ERP27: variants seen among roughly 807,000 people sequenced by gnomAD.
ERP27 encodes endoplasmic reticulum protein 27.
ERP27 carries 23 observed loss-of-function variants against 27.7 expected under a neutral mutation model. The ratio of observed to expected loss-of-function variants is 0.83; its 90% CI spans 0.60 to 1.18. ERP27 has a LOEUF of 1.18. Ranked by LOEUF, ERP27 falls within the 50% of genes most tolerant of loss-of-function variation. The pLI is 0.00. For synonymous variants in ERP27, 159 were observed against 118.3 expected (o/e 1.34, Z -2.23); for missense variants, 363 against 327.9 (o/e 1.11, Z -0.83).
At chr12:14,938,307 A>G in intron 1 of ERP27, 108 bp downstream of exon 1, 1 of 1,183,586 alleles carries the variant, frequency 8.4e-7, no homozygotes, top group East Asian at 2.3e-5. Flanking sequence ...GATTTCCTGG[A>G]AAGCTTTCTA....
intron 3 of ERP27, among the ~76,000 whole-genome samples, chr12:14,921,892 G>C (rs1255151216): frequency 1.3e-5 from 2 of 151,522 alleles, no homozygotes; most frequent in Non-Finnish European, 2.9e-5. Context: ...CTATAGTTTA[G>C]TTTTACCTCA....
rs190312798 is a variant in ERP27, at chr12:14,915,556, G to T, written c.707C>A (p.Pro236His). ...ATGCTCTACGGAAACTTCTGCTGTG[G>T]GCAGTGTATCCCACTCGTCATCTAG... ...QTLDDEWDTL[P>H]TAEVSVEHVQ... The change falls in exon 6 of 7, where the codon CCC becomes CAC. Residue 236 changes from proline to histidine, a missense_variant. By Grantham distance (77) the Pro-to-His change is moderately conservative. Coordinates refer to ENST00000266397, the MANE Select transcript of ERP27 (RefSeq NM_152321.4). 4.0e-5 allele frequency: 65 copies of T among 1,614,182 alleles called. No homozygotes were observed. Among genetic ancestry groups the T allele is most frequent in the Non-Finnish European group, 1.1e-5 (13 of 1,180,022 alleles).
chr12:14,928,973 A>G (rs1863655770), intron 3 of ERP27: 1 of 1,535,198 alleles, frequency 6.5e-7, no homozygotes, highest in African/African-American at 1.4e-5. Flanking sequence ...AGTCTCCTTC[A>G]TACTTAAGGC....
At chr12:14,936,975 A>G (rs10492149) in intron 2 of ERP27, among the ~76,000 whole-genome samples, 50,808 of 152,000 alleles carry the variant, frequency 0.33, 8,839 homozygotes, top group Middle Eastern at 0.43. Context: ...ATGAACAATA[A>G]TTAATTGAGG....
At chr12:14,933,791 C>T (rs777416706) in intron 3 of ERP27, among the ~76,000 whole-genome samples, 2 of 152,186 alleles carry the variant, frequency 1.3e-5, no homozygotes, top group Non-Finnish European at 2.9e-5. Flanking sequence ...CTTTCCATAA[C>T]TGTGATATCT....
In ERP27 at chr12:14,915,608, G is replaced by A; in HGVS notation, c.655C>T (p.Leu219=). Residue 219 remains leucine, a synonymous_variant, in exon 6 of 7, where the codon CTG becomes TTG. Transcript: ENST00000266397. ...GTCTGGTAAATTGCCAAAGCTGGCA[G>A]TTGAGACTCCTTTAGTTTGAAAAAT... is the stretch of plus-strand genomic sequence containing the variant. ...ISFFKLKESQ[L]PALAIYQTLD... The A allele has an allele frequency of 1.9e-6, 3 of 1,614,242 alleles. No homozygotes were observed. The highest frequency in any genetic ancestry group is 2.5e-6 in the Non-Finnish European group (3 of 1,180,026).
intron 3 of ERP27, among the ~76,000 whole-genome samples, chr12:14,934,187 G>T (rs900959272): frequency 6.6e-6 from 1 of 152,016 alleles, no homozygotes; most frequent in African/African-American, 2.4e-5. Flanking sequence ...TTTCCCGTTG[G>T]CCATGAATTC....
Position 14,937,971 on chromosome 12 carries a change from G to A in ERP27, c.176C>T (p.Ala59Val), listed in dbSNP as rs772339237. Reference protein sequence around the residue: ...AMEFIAATEVAVIGFFQDLEI... With the variant: ...AMEFIAATEVVVIGFFQDLEI... ...ACTAACCTGGAAGAAGCCTATGACA[G>A]CCACCTCAGTGGCAGCAATGAATTC... Residue 59 changes from alanine (A) to valine (V), a missense_variant, in exon 2 of 7, where the codon GCT (alanine) becomes GTT (valine). Transcript: ENST00000266397. The A allele has an allele frequency of 1.2e-6, 2 of 1,613,902 alleles. No homozygotes were observed. The highest frequency in any genetic ancestry group is 1.1e-5 in the South Asian group (1 of 91,082).
rs1863494277 is a variant in ERP27 at position 14,920,999 on chromosome 12, T to C, written c.383A>G (p.Asp128Gly). 2 of 1,614,056 alleles carry C rather than the reference T, an allele frequency of 1.2e-6. No homozygotes were observed. The highest frequency in any genetic ancestry group is 1.7e-6 in the Non-Finnish European group (2 of 1,180,008). Residue 128 changes from aspartate to glycine, a missense_variant, in exon 4 of 7, where the codon GAT becomes GGT. Transcript: ENST00000266397. ...NLEDEDIESI[D>G]ATKLSRFIEI... ...AATGAAACGGCTCAATTTGGTGGCA[T>C]CAATGCTTTCAATGTCTTCGTCCTC...
rs529749929 is a variant in ERP27, at chr12:14,914,789, A to C, written c.775-7T>G. 1.9e-6 allele frequency: 3 copies of C among 1,610,494 alleles called. No homozygotes were observed. In the African/African-American group the frequency reaches 4.0e-5, roughly 21 times the overall value. On this transcript the variant is annotated splice_region_variant and splice_polypyrimidine_tract_variant and intron_variant, in intron 6 of 6. Coordinates refer to ENST00000266397, the MANE Select transcript of ERP27 (RefSeq NM_152321.4). ...CTGATTCACGATTTTCTTTCTGGAA[A>C]ACATTATAACAATGATATTTAGATT...
intron 3 of ERP27, among the ~76,000 whole-genome samples, chr12:14,933,776 GC>G (rs1863732838): frequency 6.6e-6 from 1 of 152,040 alleles, no homozygotes; most frequent in Non-Finnish European, 1.5e-5. Flanking sequence ...TTTAAGCTTT[GC>G]CTGCTTTCCA....
chr12:14,934,717 T>G, intron 3 of ERP27, 139 bp downstream of exon 3: 2 of 1,064,050 alleles, frequency 1.9e-6, no homozygotes, highest in Non-Finnish European at 2.7e-6. Context: ...AATTGAGTCA[T>G]CATCCTTGTC....
chr12:14,921,787 TC>T (rs958008690), intron 3 of ERP27, among the ~76,000 whole-genome samples: 2 of 151,916 alleles, frequency 1.3e-5, no homozygotes, highest in African/African-American at 2.4e-5. Context: ...TTATAATTCA[TC>T]CTTTTTTTTT....
At chr12:14,929,139 C>G in intron 3 of ERP27, 2 of 1,436,450 alleles carry the variant, frequency 1.4e-6, no homozygotes, top group Admixed American at 2.4e-5. Context: ...GATCAAGAAT[C>G]CCCCCCTCCC....
intron 3 of ERP27, among the ~76,000 whole-genome samples, chr12:14,927,297 G>A (rs990791381): frequency 6.6e-6 from 1 of 151,866 alleles, no homozygotes; most frequent in Admixed American, 6.6e-5. Context: ...ATGTGTAGGC[G>A]TATGTGTGTA....
Position 14,935,895 on chromosome 12 carries a change from T to C in ERP27, c.196-902A>G, listed in dbSNP as rs146656691. ...CACCATACTTGGCTAATTTTTTCTG[T>C]ATTTTTAGTAGAGATGTGGTTTTGC... On this transcript the variant is annotated intron_variant, in intron 2 of 6. Transcript: ENST00000266397. 8.1e-3 allele frequency among the ~76,000 whole-genome samples: 1,239 copies of C among 152,248 alleles called. 5 individuals are homozygous for C. The highest frequency in any genetic ancestry group is 0.011 in the Non-Finnish European group (751 of 68,020).
chr12:14,928,621 A>G (rs1863647916), intron 3 of ERP27, among the ~76,000 whole-genome samples: 1 of 152,246 alleles, frequency 6.6e-6, no homozygotes, highest in Non-Finnish European at 1.5e-5. Flanking sequence ...ATTTAAATTT[A>G]TGAAATAAAT....
At chr12:14,933,741 C>G (rs956677475) in intron 3 of ERP27, among the ~76,000 whole-genome samples, 1 of 152,160 alleles carries the variant, frequency 6.6e-6, no homozygotes, top group Non-Finnish European at 1.5e-5. Flanking sequence ...CTGCACATGA[C>G]CTCACTATTC....
intron 3 of ERP27, among the ~76,000 whole-genome samples, chr12:14,921,716 C>A (rs1039425588): frequency 6.6e-6 from 1 of 152,074 alleles, no homozygotes; most frequent in Admixed American, 6.5e-5. Flanking sequence ...GTAGAACCAC[C>A]ACCCAAGTCA....
Sources: gnomAD v4.1 joint callset for allele counts (sites outside exome capture counted in the v4.1 genomes callset) on GRCh38, gnomAD v4.1.1 for gene constraint, MANE v1.5 for transcripts, NCBI Gene and HGNC (gene_info 2026-07-23, HGNC 2026-07-21) for gene names.